CENPP: variants seen among roughly 807,000 people sequenced by gnomAD.
The protein encoded by CENPP is centromere protein P.
In CENPP, 24 loss-of-function variants were observed where a neutral mutation model predicts 35.6. The ratio of observed to expected loss-of-function variants is 0.67; its 90% CI spans 0.49 to 0.95. CENPP has a LOEUF of 0.95. Among genes scored for constraint, CENPP ranks in the 40% least tolerant of loss-of-function variants. The pLI is 0.00. For missense variants in CENPP, 332 were observed against 345.3 expected (o/e 0.96, Z 0.31); for synonymous variants, 120 against 125.5 (o/e 0.96, Z 0.29).
chr9:92,552,190 T>TATAC (rs149273612), intron 5 of CENPP, among the ~76,000 whole-genome samples: 22 of 106,434 alleles, frequency 2.1e-4, no homozygotes, highest in African/African-American at 7.5e-4. Context: ...ATCTATCATA[T>TATAC]ACACACACAC....
intron 5 of CENPP, among the ~76,000 whole-genome samples, chr9:92,426,646 G>T (rs1843975807): frequency 6.6e-6 from 1 of 152,184 alleles, no homozygotes; most frequent in African/African-American, 2.4e-5. Flanking sequence ...GTGGGGACTG[G>T]AATGGAACAA....
chr9:92,349,075 A>C (rs1401713931), intron 4 of CENPP, among the ~76,000 whole-genome samples: 1 of 152,208 alleles, frequency 6.6e-6, no homozygotes, highest in African/African-American at 2.4e-5. Flanking sequence ...GTGTCACTCT[A>C]ATGACACATA....
chr9:92,446,793 A>C (rs1844562263), intron 5 of CENPP, among the ~76,000 whole-genome samples: 1 of 148,738 alleles, frequency 6.7e-6, no homozygotes, highest in Non-Finnish European at 1.5e-5. Flanking sequence ...GCTGGGCAAC[A>C]GAGTGGGACT....
At chr9:92,445,104 A>G (rs941401169) in intron 5 of CENPP, among the ~76,000 whole-genome samples, 1 of 151,946 alleles carries the variant, frequency 6.6e-6, no homozygotes, top group Admixed American at 6.6e-5. Flanking sequence ...TGGGCTCCAC[A>G]CCAGCTGGAG....
chr9:92,477,928 G>A (rs1845770327), intron 5 of CENPP, among the ~76,000 whole-genome samples: 1 of 152,192 alleles, frequency 6.6e-6, no homozygotes. Flanking sequence ...CACTAGATGT[G>A]TGGTACCCAG....
chr9:92,431,896 A>G (rs1208216239), intron 5 of CENPP, among the ~76,000 whole-genome samples: 1 of 152,044 alleles, frequency 6.6e-6, no homozygotes, highest in East Asian at 1.9e-4. Context: ...CTATTATGTA[A>G]TTTTTTTAAA....
Position 92,562,495 on chromosome 9 carries a change from C to T in CENPP, c.565-48819C>T, listed in dbSNP as rs571153261. ...TGCTGGGATTACAGGTATGAGCCACCGCGCCCTGCCCCAGTTTTCTTATCT... is the reference window on the plus strand; with the variant it reads ...TGCTGGGATTACAGGTATGAGCCACTGCGCCCTGCCCCAGTTTTCTTATCT... On this transcript the variant is annotated intron_variant, in intron 5 of 7. Transcript: ENST00000375587. 1.7e-4 allele frequency among the ~76,000 whole-genome samples: 26 copies of T among 152,066 alleles called. No individual in the cohort carries two copies. The South Asian group carries it at 2.9e-3, about 17-fold the overall frequency.
intron 5 of CENPP, among the ~76,000 whole-genome samples, chr9:92,530,666 T>C (rs1848693110): frequency 6.6e-6 from 1 of 152,318 alleles, no homozygotes; most frequent in Admixed American, 6.5e-5. Context: ...TGCTATAAGA[T>C]CTACTTTGTC....
At chr9:92,605,621 A>G (rs1403976747) in intron 5 of CENPP, among the ~76,000 whole-genome samples, 3 of 152,172 alleles carry the variant, frequency 2.0e-5, no homozygotes, top group Non-Finnish European at 4.4e-5. Flanking sequence ...CTGGACCCCT[A>G]CCTCACACCA....
At chr9:92,551,100 G>A (rs1222609403) in intron 5 of CENPP, among the ~76,000 whole-genome samples, 1 of 152,166 alleles carries the variant, frequency 6.6e-6, no homozygotes, top group Non-Finnish European at 1.5e-5. Context: ...TTCCTGGGGA[G>A]GTGGCTGTGG....
intron 5 of CENPP, among the ~76,000 whole-genome samples, chr9:92,533,328 A>AAATATAT (rs1554683138): frequency 5.2e-5 from 2 of 38,336 alleles, no homozygotes; most frequent in Non-Finnish European, 8.5e-5. Context: ...AAAAAAAAAA[A>AAATATAT]ATATATATAT....
chr9:92,547,703 T>C (rs1003625840), intron 5 of CENPP, among the ~76,000 whole-genome samples: 1 of 152,238 alleles, frequency 6.6e-6, no homozygotes, highest in Non-Finnish European at 1.5e-5. Context: ...GGTTTCTTTA[T>C]GGAGTGACTA....
intron 4 of CENPP, among the ~76,000 whole-genome samples, chr9:92,367,252 C>T (rs970000882): frequency 4.4e-4 from 67 of 152,152 alleles, no homozygotes; most frequent in Non-Finnish European, 1.8e-4. Context: ...CTACAACCTC[C>T]ACCTCTCGGG....
intron 5 of CENPP, chr9:92,496,291 T>C: frequency 1.3e-6 from 2 of 1,561,026 alleles, no homozygotes; most frequent in Non-Finnish European, 1.7e-6. Context: ...GTAAAGTTTA[T>C]AAACAGCAAA....
At chr9:92,557,971 A>G (rs1849763735) in intron 5 of CENPP, among the ~76,000 whole-genome samples, 1 of 152,166 alleles carries the variant, frequency 6.6e-6, no homozygotes, top group Non-Finnish European at 1.5e-5. Context: ...AAGTGTGTCC[A>G]AAGTTTCCTG....
At chr9:92,492,966 T>C (rs1265541352) in intron 5 of CENPP, among the ~76,000 whole-genome samples, 2 of 152,168 alleles carry the variant, frequency 1.3e-5, no homozygotes, top group East Asian at 1.9e-4. Flanking sequence ...AGCAGTCTGC[T>C]CAGGGCTAAT....
chr9:92,328,614 C>T (rs1840641578), intron 1 of CENPP, among the ~76,000 whole-genome samples: 1 of 152,120 alleles, frequency 6.6e-6, no homozygotes. Context: ...AGACCATTGA[C>T]CTTTAAACTC....
At chr9:92,583,612 A>G (rs1314284962) in intron 5 of CENPP, among the ~76,000 whole-genome samples, 1 of 152,076 alleles carries the variant, frequency 6.6e-6, no homozygotes. Flanking sequence ...ATGTGCTTAA[A>G]TTACAGAGGA....
intron 5 of CENPP, among the ~76,000 whole-genome samples, chr9:92,439,386 T>A (rs1258134911): frequency 1.3e-5 from 2 of 151,952 alleles, no homozygotes; most frequent in South Asian, 2.1e-4. Context: ...ATATATATAT[T>A]TTTAAAATAT....
Sources: gnomAD v4.1 joint callset for allele counts (sites outside exome capture counted in the v4.1 genomes callset) on GRCh38, gnomAD v4.1.1 for gene constraint, MANE v1.5 for transcripts, NCBI Gene and HGNC (gene_info 2026-07-23, HGNC 2026-07-21) for gene names.